The following ZAP70 variants were observed in gnomAD, a reference collection of about 807,000 sequenced individuals.
The protein encoded by ZAP70 is tyrosine-protein kinase ZAP-70.
In ZAP70, 27 loss-of-function variants were observed where a neutral mutation model predicts 65.8. The observed-to-expected ratio is 0.41, with a 90% CI of 0.30 to 0.57. The LOEUF (loss-of-function observed/expected upper bound fraction) is 0.57. Ranked by LOEUF, ZAP70 falls within the 20% of genes least tolerant of loss-of-function variation. The pLI, the probability that ZAP70 is intolerant of heterozygous loss-of-function variation, is 0.28. For missense variants in ZAP70, 696 were observed against 870.5 expected, an observed-to-expected ratio of 0.80 and a Z score of 2.52; for synonymous variants, 363 against 360.8, an observed-to-expected ratio of 1.01 and a Z score of -0.07.
rs1339335667 is a variant in ZAP70, at chr2:97,725,124, G to A, written c.435G>A (p.Gln145=). ...CCCTGGAGCAGGCCATCATCAGCCA[G>A]GCCCCGCAGGTGGAGAAGCTCATTG... ...GEALEQAIIS[Q]APQVEKLIAT... Residue 145 remains glutamine (Q), a synonymous_variant, in exon 4 of 14, where the codon CAG becomes CAA. Coordinates refer to ENST00000264972, the MANE Select transcript of ZAP70 (RefSeq NM_001079.4). 6.2e-7 allele frequency: 1 copy of A among 1,614,146 alleles called. No individual in the cohort carries two copies. The highest frequency in any genetic ancestry group is 1.7e-5 in the Admixed American group (1 of 60,038).
rs1469122818 is a variant in ZAP70 at position 97,737,445 on chromosome 2, G to T, written c.1290-28G>T. ...TGGGAACTTGGCTAGTCTTCTCCCA[G>T]CTGACCCCGCCTTCCCCGCCACCCC... On this transcript the variant is annotated intron_variant, in intron 10 of 13. Coordinates refer to ENST00000264972, the MANE Select transcript of ZAP70 (RefSeq NM_001079.4). The surrounding 1 kb of genome is among the most constrained non-coding windows in gnomAD (Gnocchi z 5.0). 6.2e-7 allele frequency: 1 copy of T among 1,613,576 alleles called. No individual in the cohort carries two copies. The highest frequency in any genetic ancestry group is 2.2e-5 in the East Asian group (1 of 44,874).
At chr2:97,733,478 G>GAT in intron 7 of ZAP70, 66 bp from the exon 8 acceptor site, 3 of 1,610,050 alleles carry the variant, frequency 1.9e-6, no homozygotes, top group Non-Finnish European at 2.5e-6. Flanking sequence ...GTCCTCAGTG[G>GAT]ATATAGGTCT....
chr2:97,733,678 G>A (rs1017772340), intron 8 of ZAP70, 83 bp downstream of exon 8: 14 of 1,570,994 alleles, frequency 8.9e-6, no homozygotes, highest in Middle Eastern at 1.9e-4. Context: ...GGGGTTTCAC[G>A]GGGGGCGCTG....
chr2:97,726,102 G>A (rs774959998), intron 4 of ZAP70, among the ~76,000 whole-genome samples: 3 of 152,112 alleles, frequency 2.0e-5, no homozygotes, highest in African/African-American at 7.2e-5. Flanking sequence ...GAATTAATAC[G>A]TGTGAATCGA....
At chr2:97,718,338 C>A (rs185493887) in intron 2 of ZAP70, among the ~76,000 whole-genome samples, 1 of 152,182 alleles carries the variant, frequency 6.6e-6, no homozygotes. Flanking sequence ...CTAGCCGCTG[C>A]GTGGCAAATG....
chr2:97,751,796 G>A, the ZAP70 span, among the ~76,000 whole-genome samples: 4 of 152,196 alleles, frequency 2.6e-5, no homozygotes, highest in South Asian at 2.1e-4. Context: ...CAGACCACAC[G>A]GTGAGAAAGG....
chr2:97,747,576 G>A, the ZAP70 span, among the ~76,000 whole-genome samples: 1 of 152,210 alleles, frequency 6.6e-6, no homozygotes, highest in Admixed American at 6.5e-5. Context: ...ACAGTGGGTA[G>A]TGACTGCTCA....
Position 97,725,213 on chromosome 2 carries a change from G to T in ZAP70, c.524G>T (p.Arg175Leu), listed in dbSNP as rs55964305. The T allele has an allele frequency of 4.3e-6, 7 of 1,614,154 alleles. No homozygotes were observed. The highest frequency in any genetic ancestry group is 5.9e-6 in the Non-Finnish European group (7 of 1,179,990). ...HSSLTREEAE[R>L]KLYSGAQTDG... ...AGCCTGACGCGTGAGGAGGCCGAGCGCAAACTTTACTCTGGGGCGCAGACC... is the reference window on the plus strand; with the variant it reads ...AGCCTGACGCGTGAGGAGGCCGAGCTCAAACTTTACTCTGGGGCGCAGACC... The change falls in exon 4 of 14, where the codon CGC becomes CTC. Residue 175 changes from arginine (R) to leucine (L), a missense_variant. By Grantham distance (102) the Arg-to-Leu change is moderately radical (BLOSUM62 -2). Around this residue, in one of 3 missense-constraint regions of ZAP70, gnomAD observed 551 missense variants for 630.0 expected, o/e 0.87. Transcript: ENST00000264972.
intron 2 of ZAP70, 26 bp from the exon 3 acceptor site, chr2:97,723,990 G>A: frequency 6.5e-7 from 1 of 1,535,776 alleles, no homozygotes; most frequent in Non-Finnish European, 8.7e-7. Context: ...GCCCTGACGT[G>A]CCTCCGACCC....
At position 97,724,011 on chromosome 2, in the gene ZAP70, C is replaced by T. The variant is rs1677265585; in HGVS notation, c.-21-5C>T. ...ACGTGCCTCCGACCCTCTGTGAACCCGCAGGTTTCGGGAGGCCCAGGGGCG... is the reference window on the plus strand; with the variant it reads ...ACGTGCCTCCGACCCTCTGTGAACCTGCAGGTTTCGGGAGGCCCAGGGGCG... On this transcript the variant is annotated splice_polypyrimidine_tract_variant and splice_region_variant and intron_variant, in intron 2 of 13. Coordinates refer to ENST00000264972, the MANE Select transcript of ZAP70 (RefSeq NM_001079.4). The T allele has an allele frequency of 1.3e-6, 2 of 1,542,064 alleles. No homozygotes were observed. The highest frequency in any genetic ancestry group is 1.4e-5 in the African/African-American group (1 of 73,296).
At position 97,739,198 on chromosome 2, in the gene ZAP70, A is replaced by T. The variant is rs1279282212; in HGVS notation, c.1737-177A>T. Among the ~76,000 whole-genome samples the T allele has an allele frequency of 2.0e-5, 3 of 150,816 alleles. No homozygotes were observed. In the East Asian group the frequency reaches 5.8e-4, roughly 29 times the overall value. On this transcript the variant is annotated intron_variant, in intron 13 of 13. Coordinates refer to ENST00000264972, the MANE Select transcript of ZAP70 (RefSeq NM_001079.4). ...CTCCTTAGGCTGTGTGGCATTGCCC[A>T]ACGCTCTCACACCCCAGAGTCCTCT... is the stretch of plus-strand genomic sequence containing the variant.
Position 97,734,702 on chromosome 2 carries a change from C to T in ZAP70, c.1072C>T (p.Arg358Cys), listed in dbSNP as rs202131881. Residue 358 changes from arginine (R) to cysteine (C), a missense_variant, in exon 9 of 14, where the codon CGC becomes TGC. By Grantham distance (180) the Arg-to-Cys change is radical (BLOSUM62 -3). This residue lies in a region of ZAP70 where 551 missense variants were observed against 630.0 expected (regional missense o/e 0.87). Transcript: ENST00000264972. ...TGGCTCAGTGCGCCAGGGCGTGTAC[C>T]GCATGCGCAAGTATGGCCGCCCCTG... is the stretch of plus-strand genomic sequence containing the variant. ...NFGSVRQGVY[R>C]MRKKQIDVAI... The T allele has an allele frequency of 8.1e-6, 13 of 1,613,772 alleles. No individual in the cohort carries two copies. Among genetic ancestry groups the T allele is most frequent in the South Asian group, 1.1e-5 (1 of 91,088 alleles).
At chr2:97,725,387 G>T in intron 4 of ZAP70, 135 bp downstream of exon 4, 1 of 1,111,946 alleles carries the variant, frequency 9.0e-7, no homozygotes, top group South Asian at 1.5e-5. Context: ...TGGGTTGTGT[G>T]TTTCTGATGT....
chr2:97,741,126 C>G (rs1488793539), downstream of ZAP70, among the ~76,000 whole-genome samples: 6 of 152,134 alleles, frequency 3.9e-5, no homozygotes, highest in African/African-American at 1.4e-4. Context: ...GGAATACAAT[C>G]GATCTAGGAG....
intron 9 of ZAP70, 108 bp downstream of exon 9, chr2:97,734,820 C>G: frequency 6.9e-7 from 1 of 1,454,124 alleles, no homozygotes; most frequent in Non-Finnish European, 9.5e-7. Flanking sequence ...AGCAGTTTGC[C>G]TGGGAAACAG....
the ZAP70 span, among the ~76,000 whole-genome samples, chr2:97,755,189 T>C: frequency 6.6e-6 from 1 of 152,170 alleles, no homozygotes; most frequent in Admixed American, 6.5e-5. Context: ...CGATGCGTTG[T>C]GGCGTACCGA....
chr2:97,725,241 C>T lies in ZAP70; in HGVS notation c.552C>T (p.Asp184=), dbSNP rs960299379. ...AACTTTACTCTGGGGCGCAGACCGA[C>T]GGCAAGTTCCTGTATGTGGGGCCCG... ...ERKLYSGAQT[D]GKFLLRPRKE... Residue 184 remains aspartate, a synonymous_variant, in exon 4 of 14, where the codon GAC becomes GAT. Coordinates refer to ENST00000264972, the MANE Select transcript of ZAP70 (RefSeq NM_001079.4). 1.2e-6 allele frequency: 2 copies of T among 1,613,288 alleles called. No homozygotes were observed. The highest frequency in any genetic ancestry group is 8.5e-7 in the Non-Finnish European group (1 of 1,179,284).
chr2:97,734,888 A>G, intron 9 of ZAP70, 176 bp downstream of exon 9: 1 of 752,174 alleles, frequency 1.3e-6, no homozygotes, highest in Non-Finnish European at 2.1e-6. Context: ...GGGACACCTG[A>G]CGGGGGTGGG....
rs1328780961 is a variant in ZAP70 at position 97,734,646 on chromosome 2, T to C, written c.1016T>C (p.Ile339Thr). The C allele has an allele frequency of 1.2e-6, 2 of 1,614,184 alleles. No individual in the cohort carries two copies. The highest frequency in any genetic ancestry group is 1.7e-6 in the Non-Finnish European group (2 of 1,180,016). ...KLFLKRDNLL[I>T]ADIELGCGNF... ...TTCCTGAAGCGCGATAACCTCCTCA[T>C]AGCTGACATTGAACTTGGCTGCGGC... is the stretch of plus-strand genomic sequence containing the variant. The change falls in exon 9 of 14, where the codon ATA becomes ACA. Residue 339 changes from isoleucine to threonine, a missense_variant. Physicochemically the swap from Ile to Thr is moderately conservative, Grantham distance 89 (BLOSUM62 -1). Transcript: ENST00000264972.
Sources: gnomAD v4.1 joint callset for allele counts (sites outside exome capture counted in the v4.1 genomes callset) on GRCh38, gnomAD v4.1.1 for gene constraint, gnomAD v4.1.1 regional missense constraint, Gnocchi (gnomAD v3.1) non-coding constraint, MANE v1.5 for transcripts, NCBI Gene and HGNC (gene_info 2026-07-23, HGNC 2026-07-21) for gene names.